Variants in ADAMTS3 observed in about 807,000 individuals in gnomAD.
The protein encoded by ADAMTS3 is A disintegrin and metalloproteinase with thrombospondin motifs 3.
In ADAMTS3, 73 loss-of-function variants were observed where a neutral mutation model predicts 129.0. That is an observed-to-expected ratio of 0.57 (90% CI 0.47 to 0.69). The LOEUF is 0.69. Ranked by LOEUF, ADAMTS3 falls within the 30% of genes least tolerant of loss-of-function variation. The pLI, the probability that ADAMTS3 is intolerant of heterozygous loss-of-function variation, is 0.00. For missense variants in ADAMTS3, 1,457 were observed against 1,514.5 expected, an observed-to-expected ratio of 0.96 and a Z score of 0.63; for synonymous variants, 477 against 510.8, an observed-to-expected ratio of 0.93 and a Z score of 0.89.
intron 4 of ADAMTS3, among the ~76,000 whole-genome samples, chr4:72,356,379 T>C (rs1187557291): frequency 2.0e-5 from 3 of 151,908 alleles, no homozygotes; most frequent in Non-Finnish European, 2.9e-5. Context: ...TTATATGATA[T>C]TCTATTCTAT....
At chr4:72,538,214 A>G (rs990970096) in intron 3 of ADAMTS3, among the ~76,000 whole-genome samples, 1 of 152,212 alleles carries the variant, frequency 6.6e-6, no homozygotes, top group African/African-American at 2.4e-5. Context: ...GAAGCAGAGA[A>G]AACATCTAAA....
At chr4:72,437,289 A>C (rs1205433734) in intron 3 of ADAMTS3, among the ~76,000 whole-genome samples, 1 of 151,870 alleles carries the variant, frequency 6.6e-6, no homozygotes, top group Non-Finnish European at 1.5e-5. Flanking sequence ...CCACAGACAT[A>C]AAATAAATCT....
intron 19 of ADAMTS3, among the ~76,000 whole-genome samples, chr4:72,294,854 C>T (rs1234867644): frequency 6.6e-6 from 1 of 151,926 alleles, no homozygotes; most frequent in Non-Finnish European, 1.5e-5. Context: ...CAGTAAATCC[C>T]AGAGAAGAGA....
At chr4:72,295,230 G>A (rs1718775010) in intron 19 of ADAMTS3, among the ~76,000 whole-genome samples, 1 of 151,978 alleles carries the variant, frequency 6.6e-6, no homozygotes, top group African/African-American at 2.4e-5. Flanking sequence ...TCAGTAAAAG[G>A]TATGTTAGGT....
At chr4:72,342,119 T>C (rs558978033) in intron 4 of ADAMTS3, among the ~76,000 whole-genome samples, 1 of 152,336 alleles carries the variant, frequency 6.6e-6, no homozygotes, top group South Asian at 2.1e-4. Context: ...ACCTCCAAGC[T>C]GTTCTTGGTT....
chr4:72,290,657 G>C (rs570477003), intron 20 of ADAMTS3, among the ~76,000 whole-genome samples, 198 bp downstream of exon 20: 199 of 152,242 alleles, frequency 1.3e-3, no homozygotes, highest in Middle Eastern at 3.4e-3. Flanking sequence ...TCTATGTTAT[G>C]AAACACATAA....
intron 21 of ADAMTS3, among the ~76,000 whole-genome samples, chr4:72,287,907 C>T (rs150747723): frequency 6.6e-6 from 1 of 152,224 alleles, no homozygotes; most frequent in African/African-American, 2.4e-5. Flanking sequence ...ACTCTGTCAC[C>T]CAGGCTGGAA....
chr4:72,302,453 A>G (rs1022512579), intron 17 of ADAMTS3, among the ~76,000 whole-genome samples: 14 of 152,130 alleles, frequency 9.2e-5, no homozygotes, highest in African/African-American at 3.4e-4. Flanking sequence ...CGATCTGAAA[A>G]ATGTATTTTA....
intron 3 of ADAMTS3, among the ~76,000 whole-genome samples, chr4:72,470,992 T>A (rs1260267829): frequency 6.6e-6 from 1 of 152,152 alleles, no homozygotes; most frequent in Non-Finnish European, 1.5e-5. Flanking sequence ...TCAAGAAAGA[T>A]CACTTGCACA....
chr4:72,400,280 GGTGT>G lies in ADAMTS3; in HGVS notation c.661+14531_661+14534del, dbSNP rs544472501. Reference sequence around the variant, plus strand: ...TATACGTGTGTATATATGCACACATGGTGTGTGTGTATATACGTGTGTATATATG... The same window carrying G: ...TATACGTGTGTATATATGCACACATGGTGTGTATATACGTGTGTATATATG... On this transcript the variant is annotated intron_variant, in intron 4 of 21. Coordinates refer to ENST00000286657, the MANE Select transcript of ADAMTS3 (RefSeq NM_014243.3). Among the ~76,000 whole-genome samples the G allele has an allele frequency of 1.2e-4, 16 of 134,096 alleles. 1 individual carries two copies. Among genetic ancestry groups the G allele is most frequent in the East Asian group, 2.3e-4 (1 of 4,302 alleles). 88.0% of individuals were successfully genotyped at this position (134,096 alleles called of 152,430 possible).
At position 72,293,965 on chromosome 4, in the gene ADAMTS3, A is replaced by G. The variant is rs73824522; in HGVS notation, c.2723+1689T>C. 7.8e-3 allele frequency among the ~76,000 whole-genome samples: 1,184 copies of G among 152,278 alleles called. 17 individuals are homozygous for G. Among genetic ancestry groups the G allele is most frequent in the African/African-American group, 0.027 (1,117 of 41,570 alleles). On this transcript the variant is annotated intron_variant, in intron 19 of 21. Coordinates refer to ENST00000286657, the MANE Select transcript of ADAMTS3 (RefSeq NM_014243.3). The stretch of plus-strand genomic sequence containing the variant: ...TGATAGCAAAAATGAAAGGTTCGGC[A>G]AGTGCAACAATGGACAATAGGAGAG...
chr4:72,481,197 AG>A (rs1297612849), intron 3 of ADAMTS3, among the ~76,000 whole-genome samples: 1 of 152,200 alleles, frequency 6.6e-6, no homozygotes, highest in Non-Finnish European at 1.5e-5. Context: ...GATATAGACA[AG>A]ATTATTTTCA....
intron 4 of ADAMTS3, among the ~76,000 whole-genome samples, chr4:72,355,208 T>TA (rs57820434): frequency 0.078 from 11,402 of 147,020 alleles, 1,455 homozygotes; most frequent in African/African-American, 0.27. Flanking sequence ...AAATAATAAC[T>TA]AAAAAAAAAA....
chr4:72,462,013 C>A (rs1418070436), intron 3 of ADAMTS3, among the ~76,000 whole-genome samples: 1 of 151,840 alleles, frequency 6.6e-6, no homozygotes, highest in Non-Finnish European at 1.5e-5. Flanking sequence ...CTCTTCTGAG[C>A]ACTATGGATT....
intron 3 of ADAMTS3, among the ~76,000 whole-genome samples, chr4:72,456,950 T>C (rs533773057): frequency 5.9e-5 from 9 of 151,822 alleles, no homozygotes; most frequent in Admixed American, 4.6e-4. Context: ...TGGCATTTAT[T>C]GGAAGATCGT....
At position 72,315,963 on chromosome 4, in the gene ADAMTS3, G is replaced by A. The variant is rs1719384884; in HGVS notation, c.1494C>T (p.Thr498=). 1.2e-6 allele frequency: 2 copies of A among 1,603,394 alleles called. No individual in the cohort carries two copies. The highest frequency in any genetic ancestry group is 1.7e-5 in the Admixed American group (1 of 58,252). ...VGYKMCTAFR[T]FDPCKQLWCS... ...ACCACAGCTGTTTACATGGGTCAAA[G>A]GTTCGGAACTGGAAGATAGATAATC... is the stretch of plus-strand genomic sequence containing the variant. The change falls in exon 11 of 22, where the codon ACC becomes ACT. Residue 498 remains threonine (T), a synonymous_variant. Coordinates refer to ENST00000286657, the MANE Select transcript of ADAMTS3 (RefSeq NM_014243.3).
At chr4:72,322,493 G>GA (rs1369297473) in intron 6 of ADAMTS3, among the ~76,000 whole-genome samples, 1 of 152,100 alleles carries the variant, frequency 6.6e-6, no homozygotes, top group African/African-American at 2.4e-5. Context: ...TCTTTTAAAT[G>GA]AAAAATATTC....
chr4:72,521,995 C>A (rs1183671733), intron 3 of ADAMTS3, among the ~76,000 whole-genome samples: 1 of 152,042 alleles, frequency 6.6e-6, no homozygotes, highest in Non-Finnish European at 1.5e-5. Context: ...CGTATATGTC[C>A]CTTAACCAAA....
intron 3 of ADAMTS3, among the ~76,000 whole-genome samples, chr4:72,517,879 C>A (rs1230197904): frequency 7.9e-5 from 12 of 151,150 alleles, no homozygotes; most frequent in African/African-American, 2.7e-4. Context: ...CTTCTGCTAG[C>A]TTTTGAATGT....
Sources: allele counts gnomAD v4.1 joint callset (sites outside exome capture counted in the v4.1 genomes callset), GRCh38; gene constraint gnomAD v4.1.1; transcripts MANE v1.5; gene names NCBI Gene and HGNC (gene_info 2026-07-23, HGNC 2026-07-21).